RBPMS: variants seen among roughly 807,000 people sequenced by gnomAD.
RBPMS encodes RNA-binding protein with multiple splicing.
A neutral mutation model predicts 26.8 loss-of-function variants in RBPMS; 7 were observed. The ratio of observed to expected loss-of-function variants is 0.26; its 90% CI spans 0.15 to 0.49. The LOEUF (loss-of-function observed/expected upper bound fraction) is 0.49. Ranked by LOEUF, RBPMS falls within the 20% of genes least tolerant of loss-of-function variation. The pLI is 0.98. For missense variants in RBPMS, 186 were observed against 250.0 expected, an observed-to-expected ratio of 0.74 and a Z score of 1.73; for synonymous variants, 96 against 93.3, an observed-to-expected ratio of 1.03 and a Z score of -0.17.
intron 5 of RBPMS, among the ~76,000 whole-genome samples, chr8:30,524,224 TTA>T (rs1373630533): frequency 6.6e-6 from 1 of 152,162 alleles, no homozygotes; most frequent in Non-Finnish European, 1.5e-5. Flanking sequence ...CAGCCATTGA[TTA>T]TCAGGATCTA....
chr8:30,499,841 CTACT>C (rs980387405), intron 4 of RBPMS, among the ~76,000 whole-genome samples: 4 of 150,826 alleles, frequency 2.7e-5, no homozygotes, highest in African/African-American at 9.8e-5. Flanking sequence ...AGCATGCTTG[CTACT>C]TACTTTTAAT....
intron 1 of RBPMS, among the ~76,000 whole-genome samples, chr8:30,456,136 G>A (rs947775609): frequency 2.6e-5 from 4 of 152,184 alleles, no homozygotes; most frequent in African/African-American, 9.7e-5. Context: ...AAAACTAGAT[G>A]TGTGTCTTTC....
intron 5 of RBPMS, among the ~76,000 whole-genome samples, chr8:30,515,041 C>T (rs1056173842): frequency 2.6e-5 from 4 of 152,014 alleles, no homozygotes; most frequent in Non-Finnish European, 5.9e-5. Context: ...GCCAGTGGTT[C>T]GATCATAGCC....
intron 1 of RBPMS, among the ~76,000 whole-genome samples, chr8:30,461,536 A>G (rs1815896485): frequency 6.6e-6 from 1 of 152,172 alleles, no homozygotes; most frequent in African/African-American, 2.4e-5. Flanking sequence ...CTGGAACTAC[A>G]GGCGCGTGCC....
intron 5 of RBPMS, among the ~76,000 whole-genome samples, chr8:30,534,550 G>A (rs188741751): frequency 4.6e-5 from 7 of 152,328 alleles, no homozygotes; most frequent in South Asian, 4.1e-4. Flanking sequence ...CCAGAAGAAC[G>A]GGGGTGGTGG....
At chr8:30,549,983 T>C (rs1307490455) in intron 6 of RBPMS, among the ~76,000 whole-genome samples, 2 of 151,930 alleles carry the variant, frequency 1.3e-5, no homozygotes, top group Non-Finnish European at 2.9e-5. Context: ...CCCAAGTAGC[T>C]GGGACTACAG....
intron 1 of RBPMS, among the ~76,000 whole-genome samples, chr8:30,449,667 G>C (rs997106235): frequency 6.6e-6 from 1 of 152,070 alleles, no homozygotes; most frequent in Admixed American, 6.6e-5. Context: ...CACCGTGCCC[G>C]GCCCACACCT....
intron 6 of RBPMS, among the ~76,000 whole-genome samples, chr8:30,557,006 A>G (rs1563449506): frequency 6.6e-6 from 1 of 152,068 alleles, no homozygotes; most frequent in Non-Finnish European, 1.5e-5. Context: ...TGTAATTGCA[A>G]TGAGTGTTGG....
At chr8:30,495,965 C>T (rs896040262) in intron 4 of RBPMS, among the ~76,000 whole-genome samples, 3 of 152,194 alleles carry the variant, frequency 2.0e-5, no homozygotes, top group African/African-American at 7.2e-5. Flanking sequence ...ATGGATTCTA[C>T]CAGTAGTTAG....
intron 1 of RBPMS, among the ~76,000 whole-genome samples, chr8:30,392,104 C>G (rs373154863): frequency 2.0e-5 from 3 of 151,966 alleles, no homozygotes; most frequent in Admixed American, 2.0e-4. Context: ...TGGTGATGCC[C>G]CTGTATGAAC....
chr8:30,426,544 A>T (rs138748879), intron 1 of RBPMS, among the ~76,000 whole-genome samples: 1 of 152,196 alleles, frequency 6.6e-6, no homozygotes, highest in African/African-American at 2.4e-5. Flanking sequence ...GGACCTGAAT[A>T]AAGTTAGGCA....
chr8:30,563,297 G>A (rs567007698), intron 7 of RBPMS, among the ~76,000 whole-genome samples: 56 of 152,354 alleles, frequency 3.7e-4, no homozygotes, highest in African/African-American at 1.3e-3. Flanking sequence ...TTTGCTGATG[G>A]TTCAGCCATG....
At chr8:30,426,837 C>T (rs557830833) in intron 1 of RBPMS, among the ~76,000 whole-genome samples, 2 of 150,608 alleles carry the variant, frequency 1.3e-5, no homozygotes, top group South Asian at 4.2e-4. Context: ...TGGGCATCCT[C>T]CCCAGAAAAC....
intron 1 of RBPMS, among the ~76,000 whole-genome samples, chr8:30,436,783 C>T (rs1330828773): frequency 1.3e-5 from 2 of 152,182 alleles, no homozygotes; most frequent in Admixed American, 6.5e-5. Flanking sequence ...AAAAAGAATT[C>T]GTTGTGTCAA....
chr8:30,495,280 G>GT (rs11331221), intron 4 of RBPMS, among the ~76,000 whole-genome samples: 480 of 128,924 alleles, frequency 3.7e-3, no homozygotes, highest in Middle Eastern at 7.3e-3. Flanking sequence ...AATTATGAAG[G>GT]TTTTTTTTTT....
chr8:30,516,105 C>T (rs1822278242), intron 5 of RBPMS, among the ~76,000 whole-genome samples: 1 of 152,190 alleles, frequency 6.6e-6, no homozygotes, highest in African/African-American at 2.4e-5. Flanking sequence ...TTTGGCCAGG[C>T]ACAGTGGCTC....
chr8:30,449,507 A>G (rs537470566), intron 1 of RBPMS, among the ~76,000 whole-genome samples: 126 of 151,190 alleles, frequency 8.3e-4, no homozygotes, highest in African/African-American at 2.9e-3. Context: ...AGTAGCTGGG[A>G]TTATAGGCAC....
chr8:30,393,332 C>T (rs985396311), intron 1 of RBPMS, among the ~76,000 whole-genome samples: 5 of 151,924 alleles, frequency 3.3e-5, no homozygotes, highest in Non-Finnish European at 7.4e-5. Flanking sequence ...CTCCAACTCT[C>T]CATTTGCCAA....
At chr8:30,506,629 G>A (rs1821096832) in intron 5 of RBPMS, among the ~76,000 whole-genome samples, 1 of 152,166 alleles carries the variant, frequency 6.6e-6, no homozygotes, top group South Asian at 2.1e-4. Flanking sequence ...GGTACTCAAG[G>A]TGGTCAGTTT....
Sources: gnomAD v4.1 joint callset for allele counts (sites outside exome capture counted in the v4.1 genomes callset) on GRCh38, gnomAD v4.1.1 for gene constraint, MANE v1.5 for transcripts, NCBI Gene and HGNC (gene_info 2026-07-23, HGNC 2026-07-21) for gene names.